Variants in FARP2 observed in about 807,000 individuals in gnomAD.
The protein encoded by FARP2 is FERM, ARHGEF and pleckstrin domain-containing protein 2.
A neutral mutation model predicts 130.5 loss-of-function variants in FARP2; 111 were observed. The observed-to-expected ratio is 0.85, with a 90% CI of 0.73 to 1.00. The LOEUF (loss-of-function observed/expected upper bound fraction) is 1.00, where lower values mean the gene tolerates loss of function less well. Among genes scored for constraint, FARP2 ranks in the 50% least tolerant of loss-of-function variants. FARP2 has a pLI of 0.00. For synonymous variants in FARP2, 504 were observed against 516.9 expected (o/e 0.98, Z 0.34); for missense variants, 1,385 against 1,346.3 (o/e 1.03, Z -0.45).
At chr2:241,483,099 A>G (rs1374994715) in intron 19 of FARP2, among the ~76,000 whole-genome samples, 1 of 151,990 alleles carries the variant, frequency 6.6e-6, no homozygotes, top group East Asian at 1.9e-4. Flanking sequence ...GCTCCTGTCC[A>G]ATGTTTTCAA....
At chr2:241,413,213 G>A in intron 6 of FARP2, 94 bp from the exon 7 acceptor site, 1 of 688,114 alleles carries the variant, frequency 1.5e-6, no homozygotes, top group Non-Finnish European at 2.4e-6. Context: ...TACAAATTTG[G>A]GATAATTTTT....
At chr2:241,371,960 C>T (rs567620208) in intron 1 of FARP2, among the ~76,000 whole-genome samples, 1 of 152,162 alleles carries the variant, frequency 6.6e-6, no homozygotes, top group East Asian at 1.9e-4. Context: ...ACACATTTTA[C>T]TATCTTTGTG....
At chr2:241,365,414 AAC>A (rs1320360976) in intron 1 of FARP2, among the ~76,000 whole-genome samples, 3 of 152,156 alleles carry the variant, frequency 2.0e-5, no homozygotes, top group Non-Finnish European at 4.4e-5. Context: ...ATACCACTAA[AAC>A]ACTAGAAAAT....
chr2:241,494,028 G>A lies in FARP2; in HGVS notation c.3068G>A (p.Gly1023Glu). 1 of 1,396,990 alleles carries A rather than the reference G, an allele frequency of 7.2e-7. No individual in the cohort carries two copies. Among genetic ancestry groups the A allele is most frequent in the Non-Finnish European group, 9.3e-7 (1 of 1,072,988 alleles). 86.5% of individuals were successfully genotyped at this position (1,396,990 alleles called of 1,614,324 possible). The change falls in exon 27 of 27, where the codon GGG (glycine) becomes GAG (glutamate). Residue 1023 changes from glycine to glutamate, a missense_variant. Transcript: ENST00000264042. The surrounding 1 kb of genome is among the most constrained non-coding windows in gnomAD (Gnocchi z 4.9). ...TFERWMEVIQ[G>E]ASSSAGRAPS... is the part of the protein sequence containing the mutation. ...TCCAGGTGGATGGAGGTGATCCAGG[G>A]GGCCAGCAGCTCAGCCGGGAGGGCC...
At chr2:241,418,408 C>T (rs1021103981) in intron 8 of FARP2, among the ~76,000 whole-genome samples, 7 of 152,166 alleles carry the variant, frequency 4.6e-5, no homozygotes, top group Non-Finnish European at 7.4e-5. Flanking sequence ...CTGCCCACTG[C>T]CTCTGGGACT....
At chr2:241,445,175 T>G (rs1421386785) in intron 13 of FARP2, 1 of 141,650 alleles carries the variant, frequency 7.1e-6, no homozygotes. Flanking sequence ...CCAGCAGTCC[T>G]CCTGTCTCAG....
chr2:241,486,031 G>C (rs2064744573), intron 21 of FARP2, among the ~76,000 whole-genome samples: 1 of 152,252 alleles, frequency 6.6e-6, no homozygotes, highest in South Asian at 2.1e-4. Flanking sequence ...TCAGCAAGAA[G>C]AGGTCAGTTT....
chr2:241,385,472 G>A lies in FARP2; in HGVS notation c.183+12182G>A, dbSNP rs531698081. ...CACAGTGGCTCATACCTATAATCCC[G>A]GCACTTTTGGAGGCCAAGGCAAGTG... On this transcript the variant is annotated intron_variant, in intron 2 of 26. Coordinates refer to ENST00000264042, the MANE Select transcript of FARP2 (RefSeq NM_014808.4). Among the ~76,000 whole-genome samples, 33 of 151,966 alleles carry A rather than the reference G, an allele frequency of 2.2e-4. 1 individual carries two copies. Among genetic ancestry groups the A allele is most frequent in the African/African-American group, 6.3e-4 (26 of 41,460 alleles).
intron 2 of FARP2, among the ~76,000 whole-genome samples, chr2:241,380,096 G>GGCCAGCAA (rs1448114716): frequency 2.6e-5 from 4 of 152,182 alleles, no homozygotes; most frequent in Non-Finnish European, 4.4e-5. Flanking sequence ...GAAGAAGTTA[G>GGCCAGCAA]GCCAGCAAAT....
chr2:241,378,581 T>G (rs991477946), intron 2 of FARP2, among the ~76,000 whole-genome samples: 1 of 151,962 alleles, frequency 6.6e-6, no homozygotes, highest in Non-Finnish European at 1.5e-5. Flanking sequence ...CTGGCTAATT[T>G]GTTAAATTTT....
chr2:241,401,622 T>C (rs2062168281), intron 2 of FARP2, among the ~76,000 whole-genome samples: 1 of 152,180 alleles, frequency 6.6e-6, no homozygotes, highest in Non-Finnish European at 1.5e-5. Flanking sequence ...CTCAGGTTGC[T>C]GAGTTCACAG....
chr2:241,486,416 C>A (rs564302821), intron 21 of FARP2, among the ~76,000 whole-genome samples: 2 of 116,800 alleles, frequency 1.7e-5, no homozygotes, highest in East Asian at 5.6e-4. Context: ...GAGCCGTGAT[C>A]GTACCACTGC....
intron 1 of FARP2, among the ~76,000 whole-genome samples, chr2:241,366,652 A>G (rs1182401393): frequency 6.6e-6 from 1 of 152,080 alleles, no homozygotes; most frequent in Non-Finnish European, 1.5e-5. Flanking sequence ...ACATGATTTT[A>G]TGGGGTATAT....
In FARP2 at chr2:241,489,823, TAG is replaced by T. The variant is rs2064849241; in HGVS notation, c.2422-136_2422-135del. 4 of 619,672 alleles carry T rather than the reference TAG, an allele frequency of 6.5e-6. No homozygotes were observed. The African/African-American group carries it at 7.3e-5, about 11-fold the overall frequency. The allele number at this position is 619,672 out of a possible 1,614,324, so 38.4% of individuals were successfully genotyped here. A position where few individuals can be genotyped will look rare whatever the true frequency, so the allele number is the denominator to read the frequency against. On this transcript the variant is annotated intron_variant, in intron 21 of 26. Coordinates refer to ENST00000264042, the MANE Select transcript of FARP2 (RefSeq NM_014808.4). ...TACCAGTGTCCTCCTTGGCCTCTTGTAGAGTCTGTGTGCACTTGGACAGCACT... is the reference window on the plus strand; with the variant it reads ...TACCAGTGTCCTCCTTGGCCTCTTGTAGTCTGTGTGCACTTGGACAGCACT...
intron 13 of FARP2, 87 bp downstream of exon 13, chr2:241,441,643 A>T: frequency 6.4e-7 from 1 of 1,566,080 alleles, no homozygotes; most frequent in Non-Finnish European, 8.8e-7. Flanking sequence ...AGACACAGGG[A>T]GGGCCGGTAG....
At chr2:241,400,846 T>A (rs1038801356) in intron 2 of FARP2, among the ~76,000 whole-genome samples, 1 of 152,154 alleles carries the variant, frequency 6.6e-6, no homozygotes, top group South Asian at 2.1e-4. Flanking sequence ...GGGCCCACAG[T>A]GAGTTAGTGC....
chr2:241,414,246 C>T (rs1330921532), intron 7 of FARP2, among the ~76,000 whole-genome samples: 1 of 152,056 alleles, frequency 6.6e-6, no homozygotes, highest in African/African-American at 2.4e-5. Flanking sequence ...GTGATAGAGA[C>T]CTAGAGAAGG....
intron 2 of FARP2, among the ~76,000 whole-genome samples, chr2:241,397,253 G>A (rs1350009253): frequency 6.6e-6 from 1 of 152,120 alleles, no homozygotes; most frequent in African/African-American, 2.4e-5. Context: ...GTTGATGGGT[G>A]CTGCACACCA....
intron 13 of FARP2, among the ~76,000 whole-genome samples, chr2:241,448,656 C>T (rs1193434993): frequency 6.6e-6 from 1 of 152,228 alleles, no homozygotes; most frequent in African/African-American, 2.4e-5. Context: ...CAAAGCACAA[C>T]TTGCTGTTAT....
Sources: gnomAD v4.1 joint callset for allele counts (sites outside exome capture counted in the v4.1 genomes callset) on GRCh38, gnomAD v4.1.1 for gene constraint, Gnocchi (gnomAD v3.1) non-coding constraint, MANE v1.5 for transcripts, NCBI Gene and HGNC (gene_info 2026-07-23, HGNC 2026-07-21) for gene names.